The following OTUD7A variants were observed in gnomAD, a reference collection of about 807,000 sequenced individuals.
OTUD7A encodes the protein OTU deubiquitinase 7A, also known as OTU domain-containing protein 7A.
A neutral mutation model predicts 65.7 loss-of-function variants in OTUD7A; 12 were observed. That is an observed-to-expected ratio of 0.18 (90% CI 0.12 to 0.30). The LOEUF (loss-of-function observed/expected upper bound fraction) is 0.30, where lower values mean the gene tolerates loss of function less well. Ranked by LOEUF, OTUD7A falls within the 10% of genes least tolerant of loss-of-function variation. The probability of loss-of-function intolerance (pLI) is 1.00; values close to 1 mark genes in which losing one functional copy is unlikely to be tolerated. For missense variants in OTUD7A, 1,148 were observed against 1,304.8 expected (o/e 0.88, Z 1.85); for synonymous variants, 641 against 586.3 (o/e 1.09, Z -1.35).
At chr15:31,800,637 C>T (rs892204940) in intron 1 of OTUD7A, among the ~76,000 whole-genome samples, 8 of 152,272 alleles carry the variant, frequency 5.3e-5, no homozygotes, top group Admixed American at 4.6e-4. Context: ...GAGCCAGGTC[C>T]GGGTCTCATC....
chr15:31,600,732 C>A (rs1890048136), intron 3 of OTUD7A, among the ~76,000 whole-genome samples: 1 of 152,088 alleles, frequency 6.6e-6, no homozygotes, highest in Non-Finnish European at 1.5e-5. Context: ...CATGCAAAGA[C>A]ACACACAGAC....
intron 3 of OTUD7A, among the ~76,000 whole-genome samples, chr15:31,632,147 TGGA>T (rs1385709292): frequency 1.3e-5 from 2 of 152,222 alleles, no homozygotes; most frequent in Non-Finnish European, 2.9e-5. Context: ...TGCGTTCCTT[TGGA>T]GGAGGAGAGG....
At chr15:31,679,266 A>T (rs1370399214) in intron 1 of OTUD7A, among the ~76,000 whole-genome samples, 1 of 152,234 alleles carries the variant, frequency 6.6e-6, no homozygotes, top group Non-Finnish European at 1.5e-5. Context: ...GCCTTGTCTC[A>T]GATGAAATTT....
chr15:31,673,255 AATTT>A (rs1450612943), intron 1 of OTUD7A, among the ~76,000 whole-genome samples: 1 of 152,226 alleles, frequency 6.6e-6, no homozygotes, highest in Non-Finnish European at 1.5e-5. Flanking sequence ...AACCATTCTA[AATTT>A]GGACTAGTTT....
intron 1 of OTUD7A, among the ~76,000 whole-genome samples, chr15:31,850,388 C>T (rs1356892736): frequency 1.3e-5 from 2 of 150,732 alleles, no homozygotes; most frequent in Admixed American, 6.6e-5. Context: ...GGGTGGGGAA[C>T]ACCACACACT....
intron 9 of OTUD7A, among the ~76,000 whole-genome samples, chr15:31,503,334 G>A (rs2041501716): frequency 6.6e-6 from 1 of 152,194 alleles, no homozygotes; most frequent in Admixed American, 6.5e-5. Flanking sequence ...GCGGAGGGGT[G>A]GGAACACACC....
In OTUD7A at chr15:31,481,529, T is replaced by C. The variant is rs2041118984; in HGVS notation, c.*1765A>G. ...CAGTAATTACCACACATTGAAAATA[T>C]TGTTCAGCAGGAAAAGTAAAACTTT... On this transcript the variant is annotated 3_prime_UTR_variant, in exon 13 of 13. Coordinates refer to ENST00000307050, the MANE Select transcript of OTUD7A (RefSeq NM_001382637.1). The C allele has an allele frequency of 6.7e-6, 1 of 149,578 alleles. No individual in the cohort carries two copies. Among genetic ancestry groups the C allele is most frequent in the East Asian group, 2.0e-4 (1 of 5,022 alleles). 9.3% of individuals were successfully genotyped at this position (149,578 alleles called of 1,614,324 possible). A position where few individuals can be genotyped will look rare whatever the true frequency, so the allele number is the denominator to read the frequency against.
intron 3 of OTUD7A, among the ~76,000 whole-genome samples, chr15:31,619,853 A>G (rs1184476985): frequency 6.6e-6 from 1 of 152,218 alleles, no homozygotes; most frequent in Non-Finnish European, 1.5e-5. Flanking sequence ...CCAGTTTTCA[A>G]AGGGAATGCT....
chr15:31,481,426 T>A lies in OTUD7A; in HGVS notation c.*1868A>T, dbSNP rs570410307. On this transcript the variant is annotated 3_prime_UTR_variant, in exon 13 of 13. Coordinates refer to ENST00000307050, the MANE Select transcript of OTUD7A (RefSeq NM_001382637.1). ...AGAAAGCTGCCACAGACCCTCTCCA[T>A]GAGATTTTTAAAAAACCACTTTTGT... The A allele has an allele frequency of 2.0e-5, 3 of 152,180 alleles. No homozygotes were observed. Among genetic ancestry groups the A allele is most frequent in the African/African-American group, 7.2e-5 (3 of 41,438 alleles). The allele number at this position is 152,180 out of a possible 1,614,324, so 9.4% of individuals were successfully genotyped here.
chr15:31,579,035 G>A (rs944805910), intron 3 of OTUD7A, among the ~76,000 whole-genome samples: 8 of 152,074 alleles, frequency 5.3e-5, no homozygotes, highest in African/African-American at 1.9e-4. Flanking sequence ...GACTCTTTTC[G>A]TTAACAATGA....
rs1892198206 is a variant in OTUD7A, at chr15:31,662,644, G to T, written c.-99-5567C>A. 3.9e-5 allele frequency among the ~76,000 whole-genome samples: 6 copies of T among 152,134 alleles called. No individual in the cohort carries two copies. The South Asian group carries it at 1.2e-3, about 31-fold the overall frequency. The stretch of plus-strand genomic sequence containing the variant: ...CTATGAGTCTTTTTTATTGAGAATG[G>T]TTTTTCAAGACCACAATCTGAATGC... On this transcript the variant is annotated intron_variant, in intron 1 of 12. Transcript: ENST00000307050.
chr15:31,708,096 G>A (rs2141333726), intron 1 of OTUD7A, among the ~76,000 whole-genome samples: 1 of 151,788 alleles, frequency 6.6e-6, no homozygotes, highest in South Asian at 2.1e-4. Context: ...AAGAGAGGCT[G>A]GGGACAGCTG....
intron 4 of OTUD7A, among the ~76,000 whole-genome samples, chr15:31,563,645 T>A (rs1190102934): frequency 2.0e-5 from 3 of 152,226 alleles, no homozygotes; most frequent in African/African-American, 7.2e-5. Context: ...GGAGCACAGC[T>A]GGGTGGGGCA....
intron 1 of OTUD7A, among the ~76,000 whole-genome samples, chr15:31,777,371 A>G (rs1895411980): frequency 6.6e-6 from 1 of 152,222 alleles, no homozygotes; most frequent in Non-Finnish European, 1.5e-5. Flanking sequence ...AATGACTTGT[A>G]CTTCCTGGTT....
At chr15:31,802,141 G>GTGTGTGTGTGTA (rs553698632) in intron 1 of OTUD7A, among the ~76,000 whole-genome samples, 5 of 142,496 alleles carry the variant, frequency 3.5e-5, no homozygotes, top group African/African-American at 5.3e-5. Flanking sequence ...GTGTGTGTGT[G>GTGTGTGTGTGTA]TATATATATA....
chr15:31,484,252 C>T lies in OTUD7A; in HGVS notation c.1844G>A (p.Arg615Gln), dbSNP rs773844518. The T allele has an allele frequency of 1.3e-6, 2 of 1,596,010 alleles. No individual in the cohort carries two copies. Among genetic ancestry groups the T allele is most frequent in the Non-Finnish European group, 8.5e-7 (1 of 1,174,068 alleles). The change falls in exon 13 of 13, where the codon CGG (arginine) becomes CAG (glutamine). Residue 615 changes from arginine (R) to glutamine (Q), a missense_variant. Around this residue, in one of 6 missense-constraint regions of OTUD7A, gnomAD observed 842 missense variants for 769.5 expected, o/e 1.09. Transcript: ENST00000307050. This position sits in a 1 kb window ranked among gnomAD's most constrained non-coding sequence, Gnocchi z 4.5. ...ASPAEKGGGP[R>Q]GDAWKYSTDV... is the part of the protein sequence containing the mutation. ...CGTGCTGTACTTCCAGGCGTCGCCC[C>T]GCGGCCCACCGCCCTTCTCCGCCGG...
intron 1 of OTUD7A, among the ~76,000 whole-genome samples, chr15:31,755,436 C>A (rs1262559192): frequency 6.6e-6 from 1 of 152,120 alleles, no homozygotes; most frequent in African/African-American, 2.4e-5. Flanking sequence ...AAGTGCTAGT[C>A]TTTGGCTGGG....
intron 1 of OTUD7A, among the ~76,000 whole-genome samples, chr15:31,662,258 T>C (rs4106072): frequency 0.24 from 36,420 of 152,216 alleles, 5,491 homozygotes; most frequent in East Asian, 0.66. Context: ...ACTAATCTAC[T>C]ATTTGGTCAC....
chr15:31,852,424 G>T (rs1228810185), intron 1 of OTUD7A, among the ~76,000 whole-genome samples: 2 of 152,202 alleles, frequency 1.3e-5, no homozygotes, highest in African/African-American at 4.8e-5. Flanking sequence ...ACTAAGGGTT[G>T]TTAACATATA....
Sources: allele counts gnomAD v4.1 joint callset (sites outside exome capture counted in the v4.1 genomes callset), GRCh38; gene constraint gnomAD v4.1.1; regional missense constraint gnomAD v4.1.1; non-coding constraint Gnocchi (gnomAD v3.1); transcripts MANE v1.5; gene names NCBI Gene and HGNC (gene_info 2026-07-23, HGNC 2026-07-21).